The following SLC16A7 variants were observed in gnomAD, a reference collection of about 807,000 sequenced individuals.
The protein encoded by SLC16A7 is solute carrier family 16 member 7.
SLC16A7 carries 33 observed loss-of-function variants against 34.9 expected under a neutral mutation model. The observed-to-expected ratio is 0.94, with a 90% CI of 0.72 to 1.26. The LOEUF is 1.26. Ranked by LOEUF, SLC16A7 falls within the 50% of genes most tolerant of loss-of-function variation. The probability of loss-of-function intolerance (pLI) is 0.00; values close to 1 mark genes in which losing one functional copy is unlikely to be tolerated. For missense variants in SLC16A7, 573 were observed against 578.1 expected (o/e 0.99, Z 0.09); for synonymous variants, 201 against 206.6 (o/e 0.97, Z 0.23).
At chr12:59,713,537 T>C (rs1874508170) in intron 3 of SLC16A7, among the ~76,000 whole-genome samples, 1 of 152,248 alleles carries the variant, frequency 6.6e-6, no homozygotes, top group Admixed American at 6.5e-5. Flanking sequence ...TGAATATTTT[T>C]TCATTATAAT....
intron 1 of SLC16A7, among the ~76,000 whole-genome samples, chr12:59,610,122 TCCTC>T (rs1260935194): frequency 6.6e-6 from 1 of 152,168 alleles, no homozygotes; most frequent in Non-Finnish European, 1.5e-5. Context: ...TAGAGTGGAA[TCCTC>T]CCTCTTTGCA....
intron 1 of SLC16A7, among the ~76,000 whole-genome samples, chr12:59,650,647 G>T (rs1868327617): frequency 6.6e-6 from 1 of 152,140 alleles, no homozygotes; most frequent in African/African-American, 2.4e-5. Flanking sequence ...GTAGTTCAGT[G>T]AATATATCTA....
Position 59,787,596 on chromosome 12 carries a change from C to T in SLC16A7, c.*7917C>T, listed in dbSNP as rs1396538296. 2 of 152,096 alleles carry T rather than the reference C, an allele frequency of 1.3e-5. No individual in the cohort carries two copies. The highest frequency in any genetic ancestry group is 2.9e-5 in the Non-Finnish European group (2 of 68,020). The allele number at this position is 152,096 out of a possible 1,614,324, so 9.4% of individuals were successfully genotyped here. ...AAGAGGGGTTGCTATTAGGAGTTTTCCCGGTAAAACTGTAAAAACAGTAAT... is the reference window on the plus strand; with the variant it reads ...AAGAGGGGTTGCTATTAGGAGTTTTTCCGGTAAAACTGTAAAAACAGTAAT... On this transcript the variant is annotated 3_prime_UTR_variant, in exon 6 of 6. Coordinates refer to ENST00000547379, the MANE Select transcript of SLC16A7 (RefSeq NM_001270623.2).
intron 2 of SLC16A7, among the ~76,000 whole-genome samples, chr12:59,666,277 T>C (rs987657936): frequency 2.0e-5 from 3 of 152,220 alleles, no homozygotes; most frequent in African/African-American, 4.8e-5. Context: ...TTTTGAAGTA[T>C]ATCTAGATAA....
intron 3 of SLC16A7, among the ~76,000 whole-genome samples, chr12:59,737,996 T>C (rs1877796991): frequency 6.6e-6 from 1 of 152,206 alleles, no homozygotes; most frequent in African/African-American, 2.4e-5. Flanking sequence ...ATTCTCCTGT[T>C]TTATTTCATT....
intron 3 of SLC16A7, among the ~76,000 whole-genome samples, chr12:59,770,839 C>G (rs559438691): frequency 6.6e-6 from 1 of 152,254 alleles, no homozygotes; most frequent in South Asian, 2.1e-4. Flanking sequence ...AAAATTTTAA[C>G]AGACAAGTCA....
chr12:59,730,366 A>G (rs902077989), intron 3 of SLC16A7, among the ~76,000 whole-genome samples: 2 of 151,528 alleles, frequency 1.3e-5, no homozygotes, highest in African/African-American at 4.8e-5. Flanking sequence ...AAAAAAACAG[A>G]CAACACACCT....
At chr12:59,748,535 G>C (rs192933969) in intron 3 of SLC16A7, among the ~76,000 whole-genome samples, 1 of 151,934 alleles carries the variant, frequency 6.6e-6, no homozygotes, top group Non-Finnish European at 1.5e-5. Context: ...ATCATGTTTC[G>C]TGCAATACCA....
At chr12:59,760,441 T>C (rs1032407628) in intron 3 of SLC16A7, among the ~76,000 whole-genome samples, 1 of 152,072 alleles carries the variant, frequency 6.6e-6, no homozygotes, top group African/African-American at 2.4e-5. Context: ...GTGGGAGATA[T>C]GTTCTAAGAC....
intron 3 of SLC16A7, among the ~76,000 whole-genome samples, chr12:59,726,096 C>T (rs1167353512): frequency 6.6e-6 from 1 of 152,090 alleles, no homozygotes; most frequent in African/African-American, 2.4e-5. Context: ...TAGTCTCAAT[C>T]TCGTTTCTCC....
At chr12:59,731,565 C>T (rs563958010) in intron 3 of SLC16A7, among the ~76,000 whole-genome samples, 3 of 152,230 alleles carry the variant, frequency 2.0e-5, no homozygotes, top group African/African-American at 7.2e-5. Context: ...TGGCTAAGAA[C>T]TTTGAATTTA....
chr12:59,776,355 T>C (rs1281038587), intron 5 of SLC16A7, among the ~76,000 whole-genome samples: 3 of 152,212 alleles, frequency 2.0e-5, no homozygotes, highest in Non-Finnish European at 4.4e-5. Flanking sequence ...TCTGAACTTA[T>C]GGTTTAAAGA....
chr12:59,756,143 C>T (rs1446829541), intron 3 of SLC16A7, among the ~76,000 whole-genome samples: 2 of 152,124 alleles, frequency 1.3e-5, no homozygotes, highest in Admixed American at 6.5e-5. Flanking sequence ...AGACCTAAAA[C>T]CATAAAAAGC....
At chr12:59,777,206 C>A (rs1270241008) in intron 5 of SLC16A7, among the ~76,000 whole-genome samples, 1 of 152,160 alleles carries the variant, frequency 6.6e-6, no homozygotes, top group Admixed American at 6.6e-5. Context: ...CCACTGGCAG[C>A]AAATGGCAAT....
intron 2 of SLC16A7, among the ~76,000 whole-genome samples, chr12:59,668,415 C>A (rs1869390594): frequency 1.3e-5 from 2 of 152,308 alleles, no homozygotes; most frequent in Non-Finnish European, 1.5e-5. Flanking sequence ...GACATGTAAT[C>A]AAAGGAGATC....
chr12:59,749,712 TAG>T (rs1340609545), intron 3 of SLC16A7, among the ~76,000 whole-genome samples: 2 of 152,186 alleles, frequency 1.3e-5, no homozygotes, highest in African/African-American at 4.8e-5. Context: ...AAATTTCTGC[TAG>T]AGAGAAGATG....
At chr12:59,759,918 A>T (rs879704877) in intron 3 of SLC16A7, among the ~76,000 whole-genome samples, 4 of 152,010 alleles carry the variant, frequency 2.6e-5, no homozygotes, top group Non-Finnish European at 1.5e-5. Flanking sequence ...TGTTTTTCTA[A>T]TGAGATTTAT....
intron 3 of SLC16A7, among the ~76,000 whole-genome samples, chr12:59,724,586 G>A (rs1242722047): frequency 6.6e-6 from 1 of 151,932 alleles, no homozygotes; most frequent in Non-Finnish European, 1.5e-5. Context: ...ATAATTCTAA[G>A]TAACTATTAC....
intron 1 of SLC16A7, among the ~76,000 whole-genome samples, chr12:59,598,257 T>C (rs565817392): frequency 6.6e-6 from 1 of 152,236 alleles, no homozygotes; most frequent in Non-Finnish European, 1.5e-5. Flanking sequence ...CTTTACCTTT[T>C]TCTTGTCTAT....
Sources: gnomAD v4.1 joint callset for allele counts (sites outside exome capture counted in the v4.1 genomes callset) on GRCh38, gnomAD v4.1.1 for gene constraint, MANE v1.5 for transcripts, NCBI Gene and HGNC (gene_info 2026-07-23, HGNC 2026-07-21) for gene names.